The following BANK1 variants were observed in gnomAD, a reference collection of about 807,000 sequenced individuals.
The protein encoded by BANK1 is B-cell scaffold protein with ankyrin repeats.
Under a neutral mutation model 94.5 loss-of-function variants are expected in BANK1, and 95 were observed. The ratio of observed to expected loss-of-function variants is 1.00; its 90% CI spans 0.85 to 1.19. The LOEUF (loss-of-function observed/expected upper bound fraction) is 1.19, where lower values mean the gene tolerates loss of function less well. BANK1 is among the 50% of genes most tolerant of loss of function. The probability of loss-of-function intolerance (pLI) is 0.00; values close to 1 mark genes in which losing one functional copy is unlikely to be tolerated. For missense variants in BANK1, 987 were observed against 932.2 expected, an observed-to-expected ratio of 1.06 and a Z score of -0.77; for synonymous variants, 334 against 308.4, an observed-to-expected ratio of 1.08 and a Z score of -0.87.
intron 11 of BANK1, among the ~76,000 whole-genome samples, chr4:102,053,884 T>G (rs1728135513): frequency 6.6e-6 from 1 of 151,624 alleles, no homozygotes; most frequent in African/African-American, 2.4e-5. Context: ...ACTTTATTAA[T>G]AAAAAAAGAT....
At chr4:101,852,470 C>CCATATA (rs1553927036) in intron 2 of BANK1, among the ~76,000 whole-genome samples, 3 of 103,768 alleles carry the variant, frequency 2.9e-5, no homozygotes, top group African/African-American at 1.2e-4. Flanking sequence ...TATTTTTCGG[C>CCATATA]TATATATATA....
chr4:101,941,977 C>A (rs1455500365), intron 7 of BANK1, among the ~76,000 whole-genome samples: 1 of 151,746 alleles, frequency 6.6e-6, no homozygotes, highest in Non-Finnish European at 1.5e-5. Flanking sequence ...AGCACATTTT[C>A]TATTGTACCA....
At chr4:101,984,784 T>C (rs1466625712) in intron 7 of BANK1, among the ~76,000 whole-genome samples, 2 of 152,018 alleles carry the variant, frequency 1.3e-5, no homozygotes, top group African/African-American at 2.4e-5. Context: ...TTATTTTAAA[T>C]AGCTATCTGC....
At chr4:102,011,313 C>G (rs976190627) in intron 7 of BANK1, among the ~76,000 whole-genome samples, 1 of 152,128 alleles carries the variant, frequency 6.6e-6, no homozygotes, top group African/African-American at 2.4e-5. Flanking sequence ...TTGACCAGTC[C>G]TGATTTCTTT....
chr4:101,911,206 C>G (rs1429287072), intron 6 of BANK1, among the ~76,000 whole-genome samples: 1 of 152,082 alleles, frequency 6.6e-6, no homozygotes, highest in African/African-American at 2.4e-5. Context: ...ACGACTGTGC[C>G]TCGGTACACT....
intron 9 of BANK1, among the ~76,000 whole-genome samples, chr4:102,027,670 G>GAAAAAAAAAAAAAA (rs57958483): frequency 7.0e-6 from 1 of 141,846 alleles, no homozygotes; most frequent in African/African-American, 2.6e-5. Flanking sequence ...GTTACTGAAG[G>GAAAAAAAAAAAAAA]AAAAAAAAAA....
chr4:101,877,549 T>C (rs933891161), intron 5 of BANK1, among the ~76,000 whole-genome samples: 1 of 152,144 alleles, frequency 6.6e-6, no homozygotes, highest in Non-Finnish European at 1.5e-5. Context: ...ACTTAAGGTG[T>C]AGATCCTGTA....
chr4:101,835,565 C>A (rs760901323), intron 2 of BANK1, among the ~76,000 whole-genome samples: 2 of 151,992 alleles, frequency 1.3e-5, no homozygotes, highest in Non-Finnish European at 2.9e-5. Context: ...AAAAGAAGGA[C>A]AAAATGAATA....
chr4:101,875,855 C>G (rs1476865112), intron 5 of BANK1, among the ~76,000 whole-genome samples: 4 of 152,294 alleles, frequency 2.6e-5, no homozygotes, highest in South Asian at 4.1e-4. Context: ...CTAGGCAACT[C>G]CTAGTGCTCA....
intron 7 of BANK1, among the ~76,000 whole-genome samples, chr4:101,992,124 C>A (rs1212189430): frequency 6.6e-6 from 1 of 152,106 alleles, no homozygotes; most frequent in Non-Finnish European, 1.5e-5. Context: ...GATTGTCATG[C>A]TAAAAATTGA....
chr4:101,894,115 A>C (rs1290142130), intron 5 of BANK1, among the ~76,000 whole-genome samples: 1 of 151,948 alleles, frequency 6.6e-6, no homozygotes, highest in African/African-American at 2.4e-5. Flanking sequence ...CCTTTTGCCC[A>C]CCCTACACCT....
intron 2 of BANK1, among the ~76,000 whole-genome samples, chr4:101,850,092 G>A (rs1727414608): frequency 6.6e-6 from 1 of 152,002 alleles, no homozygotes. Flanking sequence ...CACTGGATAG[G>A]GATTATATTT....
intron 1 of BANK1, among the ~76,000 whole-genome samples, chr4:101,792,255 T>TCCCCCC (rs771698917): frequency 5.4e-5 from 7 of 128,660 alleles, no homozygotes; most frequent in South Asian, 2.8e-4. Context: ...TGCATTCCGC[T>TCCCCCC]CCCCCCCCGC....
chr4:101,824,303 A>T lies in BANK1; in HGVS notation c.71-5505A>T, dbSNP rs146891422. Reference sequence around the variant, plus strand: ...GCAGAGGTCAGAAGTGGTCAATAATAACTGACCACTAAGCAGTAGCTGGTG... The same window carrying T: ...GCAGAGGTCAGAAGTGGTCAATAATTACTGACCACTAAGCAGTAGCTGGTG... On this transcript the variant is annotated intron_variant, in intron 1 of 16. Coordinates refer to ENST00000322953, the MANE Select transcript of BANK1 (RefSeq NM_017935.5). 1.6e-3 allele frequency among the ~76,000 whole-genome samples: 238 copies of T among 152,306 alleles called. 1 individual carries two copies. Among genetic ancestry groups the T allele is most frequent in the Middle Eastern group, 6.8e-3 (2 of 294 alleles).
intron 5 of BANK1, among the ~76,000 whole-genome samples, chr4:101,891,784 A>C (rs755377981): frequency 6.6e-6 from 1 of 152,060 alleles, no homozygotes; most frequent in Non-Finnish European, 1.5e-5. Flanking sequence ...CTACCCAGTG[A>C]GGTATAATTT....
chr4:101,988,695 G>A (rs536860843), intron 7 of BANK1, among the ~76,000 whole-genome samples: 7 of 152,238 alleles, frequency 4.6e-5, no homozygotes, highest in African/African-American at 1.7e-4. Context: ...TCCAAGGACT[G>A]TATTAGTCTT....
At chr4:102,055,760 GAAT>G (rs1441771300) in intron 11 of BANK1, among the ~76,000 whole-genome samples, 1 of 152,006 alleles carries the variant, frequency 6.6e-6, no homozygotes, top group Non-Finnish European at 1.5e-5. Flanking sequence ...TAAAAAGATA[GAAT>G]AATGCTATTT....
chr4:101,984,046 A>C (rs1725408422), intron 7 of BANK1, among the ~76,000 whole-genome samples: 2 of 152,058 alleles, frequency 1.3e-5, no homozygotes, highest in Non-Finnish European at 2.9e-5. Flanking sequence ...AGCTCAAGAC[A>C]TGCTGATATC....
At chr4:101,897,614 A>G (rs535917007) in intron 6 of BANK1, among the ~76,000 whole-genome samples, 16 of 152,138 alleles carry the variant, frequency 1.1e-4, no homozygotes, top group African/African-American at 2.9e-4. Context: ...CATACCTCTC[A>G]CTAGGTACTA....
Sources: gnomAD v4.1 joint callset for allele counts (sites outside exome capture counted in the v4.1 genomes callset) on GRCh38, gnomAD v4.1.1 for gene constraint, MANE v1.5 for transcripts, NCBI Gene and HGNC (gene_info 2026-07-23, HGNC 2026-07-21) for gene names.